CHD6: variants seen among roughly 807,000 people sequenced by gnomAD.
CHD6 encodes chromodomain helicase DNA binding protein 6.
CHD6 carries 50 observed loss-of-function variants against 276.9 expected under a neutral mutation model. The observed-to-expected ratio is 0.18, with a 90% CI of 0.14 to 0.23. The LOEUF is 0.23. CHD6 is among the 10% of genes least tolerant of loss of function. The pLI is 1.00. For missense variants in CHD6, 2,564 were observed against 3,365.8 expected, an observed-to-expected ratio of 0.76 and a Z score of 5.89; for synonymous variants, 1,173 against 1,229.3, an observed-to-expected ratio of 0.95 and a Z score of 0.96.
At chr20:41,607,148 C>CA (rs2045838168) in intron 1 of CHD6, among the ~76,000 whole-genome samples, 1 of 152,192 alleles carries the variant, frequency 6.6e-6, no homozygotes, top group Admixed American at 6.5e-5. Context: ...TCTGAGCCCC[C>CA]AGCAACACAT....
In CHD6 at chr20:41,423,691, C is replaced by T. The variant is rs745598079; in HGVS notation, c.4356G>A (p.Arg1452=). 8 of 1,613,606 alleles carry T rather than the reference C, an allele frequency of 5.0e-6. No homozygotes were observed. In the African/African-American group the frequency reaches 8.0e-5, roughly 16 times the overall value. ...INKEAQKRWT[R]REQADFYRTV... ...TTCTATAGAAGTCTGCTTGTTCTCTCCTAGTCCACCTTGAGATTTAATCAG... is the reference window on the plus strand; with the variant it reads ...TTCTATAGAAGTCTGCTTGTTCTCTTCTAGTCCACCTTGAGATTTAATCAG... The change falls in exon 30 of 37, where the codon AGG becomes AGA. Residue 1452 remains arginine, a synonymous_variant. Coordinates refer to ENST00000373233, the MANE Select transcript of CHD6 (RefSeq NM_032221.5).
At chr20:41,415,129 G>T in intron 34 of CHD6, 57 bp downstream of exon 34, 3 of 1,516,860 alleles carry the variant, frequency 2.0e-6, no homozygotes, top group Non-Finnish European at 8.9e-7. Context: ...AGGAAGAAGG[G>T]TTTGTTTCTC....
intron 1 of CHD6, among the ~76,000 whole-genome samples, chr20:41,591,848 G>A (rs1036139533): frequency 5.9e-5 from 9 of 151,964 alleles, no homozygotes; most frequent in East Asian, 1.9e-4. Context: ...GCCTGTAATC[G>A]CAGCCCTCTG....
At position 41,421,930 on chromosome 20, in the gene CHD6, G is replaced by A. The variant is rs769767161; in HGVS notation, c.4705C>T (p.Leu1569Phe). The A allele has an allele frequency of 1.9e-6, 3 of 1,614,118 alleles. No homozygotes were observed. The African/African-American group carries it at 4.0e-5, about 22-fold the overall frequency. Residue 1569 changes from leucine (L) to phenylalanine (F), a missense_variant, in exon 31 of 37, where the codon CTC becomes TTC. Leu to Phe is a conservative substitution (Grantham distance 22). Transcript: ENST00000373233. ...HERLQLCRPS[L>F]YLPVWWECGK... is the part of the protein sequence containing the mutation. ...CACTCCCACCAGACTGGGAGGTAGA[G>A]GCTGGGCCTGCACAGCTGGAGGCGT...
chr20:41,497,213 TTTTC>T, intron 8 of CHD6, 167 bp downstream of exon 8: 2 of 591,004 alleles, frequency 3.4e-6, no homozygotes, highest in Non-Finnish European at 3.0e-6. Flanking sequence ...TGGTGGATAG[TTTTC>T]TTTGACTTGA....
chr20:41,611,501 C>G (rs2045886804), intron 1 of CHD6, among the ~76,000 whole-genome samples: 1 of 152,216 alleles, frequency 6.6e-6, no homozygotes, highest in Non-Finnish European at 1.5e-5. Flanking sequence ...CAGTGCTGAT[C>G]TAGAACAATG....
chr20:41,509,933 G>A (rs925009237), intron 5 of CHD6, among the ~76,000 whole-genome samples: 5 of 152,218 alleles, frequency 3.3e-5, no homozygotes, highest in South Asian at 2.1e-4. Context: ...AGATGTTTTC[G>A]CAACTCACCA....
chr20:41,483,513 T>C lies in CHD6; in HGVS notation c.2264A>G (p.Glu755Gly). The change falls in exon 16 of 37, where the codon GAG (glutamate) becomes GGG (glycine). Residue 755 changes from glutamate (E) to glycine (G), a missense_variant. Physicochemically the swap from Glu to Gly is moderately conservative, Grantham distance 98. Coordinates refer to ENST00000373233, the MANE Select transcript of CHD6 (RefSeq NM_032221.5). ...CNHPYLINGA[E>G]EKILEDFRKT... is the part of the protein sequence containing the mutation. Reference sequence around the variant, plus strand: ...TCGGAAATCTTCTAGAATTTTCTCCTCTGCTCCTGAAAAGGAATGGAACAA... The same window carrying C: ...TCGGAAATCTTCTAGAATTTTCTCCCCTGCTCCTGAAAAGGAATGGAACAA... 1 of 1,610,522 alleles carries C rather than the reference T, an allele frequency of 6.2e-7. No homozygotes were observed.
rs2046586209 is a variant in CHD6 at position 41,403,519 on chromosome 20, AT to A, written c.*1073del. On this transcript the variant is annotated 3_prime_UTR_variant, in exon 37 of 37. Transcript: ENST00000373233. ...TGTAAGATATAAACAGAATGGAGAAATTAATGGAGAAGTAACTTTTCATAGC... is the reference window on the plus strand; with the variant it reads ...TGTAAGATATAAACAGAATGGAGAAATAATGGAGAAGTAACTTTTCATAGC... 9.4e-7 allele frequency: 1 copy of A among 1,062,908 alleles called. No homozygotes were observed. 65.8% of individuals were successfully genotyped at this position (1,062,908 alleles called of 1,614,324 possible). A position where few individuals can be genotyped will look rare whatever the true frequency, so the allele number is the denominator to read the frequency against.
chr20:41,416,762 G>A lies in CHD6; in HGVS notation c.6312C>T (p.Ile2104=), dbSNP rs1181843210. 1 of 1,605,202 alleles carries A rather than the reference G, an allele frequency of 6.2e-7. No individual in the cohort carries two copies. The highest frequency in any genetic ancestry group is 2.2e-5 in the East Asian group (1 of 44,610). The change falls in exon 33 of 37, where the codon ATC becomes ATT. Residue 2104 remains isoleucine (I), a synonymous_variant. Transcript: ENST00000373233. ...DRVIINRLDN[I]CHVVLKGKWP... is the part of the protein sequence containing the mutation. ...ACTTCCCCTTTAACACCACGTGGCA[G>A]ATATTATCTAGGCGGTTAATTATCA...
rs747738727 is a variant in CHD6 at position 41,405,437 on chromosome 20, C to T, written c.7304G>A (p.Arg2435Gln). Residue 2435 changes from arginine (R) to glutamine (Q), a missense_variant, in exon 37 of 37, where the codon CGA becomes CAA. This residue lies in a region of CHD6 where 1,024 missense variants were observed against 1,047.9 expected (regional missense o/e 0.98). Coordinates refer to ENST00000373233, the MANE Select transcript of CHD6 (RefSeq NM_032221.5). The stretch of plus-strand genomic sequence containing the variant: ...CCCCCTCCTGCGGGGGCCCGTATCT[C>T]GAAGAATAGGCTCAGCCAGAGTGTG... The part of the protein sequence containing the change: ...FNHTLAEPIL[R>Q]DTGPRRRGRR... 23 of 1,603,996 alleles carry T rather than the reference C, an allele frequency of 1.4e-5. No individual in the cohort carries two copies. Among genetic ancestry groups the T allele is most frequent in the East Asian group, 2.2e-5 (1 of 44,734 alleles).
At chr20:41,586,866 TAATGTG>T (rs2045601099) in intron 1 of CHD6, among the ~76,000 whole-genome samples, 2 of 152,212 alleles carry the variant, frequency 1.3e-5, no homozygotes, top group Admixed American at 6.5e-5. Flanking sequence ...AACGTATAGT[TAATGTG>T]AATGAATTAT....
At position 41,404,911 on chromosome 20, in the gene CHD6, G is replaced by A. The variant is rs1488840039; in HGVS notation, c.7830C>T (p.Asn2610=). ...GAGATACTCCTGGGATGAGAAATGG[G>A]TTAAAAGCCACAGGACTACTAGTAG... is the stretch of plus-strand genomic sequence containing the variant. ...AITTSSPVAF[N]PFLIPGVSPG... is the part of the protein sequence containing the mutation. Residue 2610 remains asparagine (N), a synonymous_variant, in exon 37 of 37, where the codon AAC becomes AAT. Coordinates refer to ENST00000373233, the MANE Select transcript of CHD6 (RefSeq NM_032221.5). The A allele has an allele frequency of 6.2e-7, 1 of 1,614,144 alleles. No individual in the cohort carries two copies. The highest frequency in any genetic ancestry group is 1.3e-5 in the African/African-American group (1 of 75,058).
rs914600945 is a variant in CHD6 at position 41,452,673 on chromosome 20, T to A, written c.3323+67A>T. 6 of 1,414,646 alleles carry A rather than the reference T, an allele frequency of 4.2e-6. No individual in the cohort carries two copies. In the African/African-American group the frequency reaches 8.5e-5, roughly 20 times the overall value. 87.6% of individuals were successfully genotyped at this position (1,414,646 alleles called of 1,614,324 possible). On this transcript the variant is annotated intron_variant, in intron 21 of 36. Coordinates refer to ENST00000373233, the MANE Select transcript of CHD6 (RefSeq NM_032221.5). This position sits in a 1 kb window ranked among gnomAD's most constrained non-coding sequence, Gnocchi z 4.2. ...ACTGGAGAGACATCCTAGACAAATC[T>A]CAGGGACTGAAAAACAGAGGGGAAC...
In CHD6 at chr20:41,455,792, C is replaced by G; in HGVS notation, c.3009+8G>C. On this transcript the variant is annotated splice_region_variant and intron_variant, in intron 19 of 36. Coordinates refer to ENST00000373233, the MANE Select transcript of CHD6 (RefSeq NM_032221.5). ...ACCCCCAACAGCTCTGGAGAGAAGG[C>G]CCTGTACCTTGGCAAAAGTGGACCC... 1 of 1,571,386 alleles carries G rather than the reference C, an allele frequency of 6.4e-7. No homozygotes were observed. The highest frequency in any genetic ancestry group is 8.6e-7 in the Non-Finnish European group (1 of 1,159,802).
At chr20:41,498,867 G>T (rs1568647201) in intron 6 of CHD6, among the ~76,000 whole-genome samples, 2 of 151,280 alleles carry the variant, frequency 1.3e-5, no homozygotes, top group African/African-American at 4.9e-5. Context: ...TAGAGAAAGG[G>T]TCTCACTATA....
intron 1 of CHD6, chr20:41,564,197 C>T (rs984607040): frequency 7.7e-6 from 5 of 647,036 alleles, no homozygotes; most frequent in Non-Finnish European, 1.4e-5. Context: ...GAGAAGCCAT[C>T]TACAAAATAG....
chr20:41,479,786 T>C (rs1159876307), intron 16 of CHD6, among the ~76,000 whole-genome samples: 1 of 152,194 alleles, frequency 6.6e-6, no homozygotes, highest in Non-Finnish European at 1.5e-5. Flanking sequence ...CATCTGAACT[T>C]AGATTTCAGA....
At chr20:41,487,454 G>T (rs1312319422) in intron 14 of CHD6, among the ~76,000 whole-genome samples, 1 of 152,158 alleles carries the variant, frequency 6.6e-6, no homozygotes, top group Non-Finnish European at 1.5e-5. Flanking sequence ...AGATATTTTG[G>T]GTATGGACCC....
Sources: allele counts gnomAD v4.1 joint callset (sites outside exome capture counted in the v4.1 genomes callset), GRCh38; gene constraint gnomAD v4.1.1; regional missense constraint gnomAD v4.1.1; non-coding constraint Gnocchi (gnomAD v3.1); transcripts MANE v1.5; gene names NCBI Gene and HGNC (gene_info 2026-07-23, HGNC 2026-07-21).